The following HEATR4 variants were observed in gnomAD, a reference collection of about 807,000 sequenced individuals.
The protein encoded by HEATR4 is HEAT repeat-containing protein 4.
Under a neutral mutation model 108.8 loss-of-function variants are expected in HEATR4, and 95 were observed. That is an observed-to-expected ratio of 0.87 (90% CI 0.74 to 1.04). The LOEUF (loss-of-function observed/expected upper bound fraction) is 1.04. Ranked by LOEUF, HEATR4 falls within the 50% of genes least tolerant of loss-of-function variation. The probability of loss-of-function intolerance (pLI) is 0.00; values close to 1 mark genes in which losing one functional copy is unlikely to be tolerated. For missense variants in HEATR4, 1,152 were observed against 1,253.8 expected (o/e 0.92, Z 1.23); for synonymous variants, 443 against 459.4 (o/e 0.96, Z 0.46).
At chr14:73,584,397 T>A in the HEATR4 span, among the ~76,000 whole-genome samples, 1 of 152,064 alleles carries the variant, frequency 6.6e-6, no homozygotes, top group Admixed American at 6.6e-5. Flanking sequence ...AGAACTGAAG[T>A]TGCTGCAGAC....
chr14:73,584,007 A>G, the HEATR4 span, among the ~76,000 whole-genome samples: 243 of 152,076 alleles, frequency 1.6e-3, 2 homozygotes, highest in African/African-American at 5.6e-3. Context: ...GTCTAAAAAA[A>G]AAAACAGACA....
the HEATR4 span, chr14:73,612,733 C>G: frequency 2.9e-6 from 4 of 1,371,798 alleles, no homozygotes; most frequent in African/African-American, 1.5e-5. Flanking sequence ...GCTACCGTGC[C>G]GACGCCCGCG....
Position 73,522,992 on chromosome 14 carries a change from T to C in HEATR4, c.161A>G (p.Gln54Arg), listed in dbSNP as rs1380322458. ...SSVPMVFFSS[Q>R]YRLHRKSQYL... ...TTGGCTCTTGCGGTGTAGACGGTAC[T>C]GTGAGCTGAAGAAGACCATAGGCAC... The change falls in exon 3 of 18, where the codon CAG becomes CGG. Residue 54 changes from glutamine to arginine, a missense_variant. Coordinates refer to ENST00000553558, the MANE Select transcript of HEATR4 (RefSeq NM_001220484.1). 6 of 1,614,228 alleles carry C rather than the reference T, an allele frequency of 3.7e-6. No individual in the cohort carries two copies. The highest frequency in any genetic ancestry group is 5.1e-6 in the Non-Finnish European group (6 of 1,180,036).
At chr14:73,593,770 A>G in the HEATR4 span, 1 of 1,614,012 alleles carries the variant, frequency 6.2e-7, no homozygotes, top group Non-Finnish European at 8.5e-7. Flanking sequence ...ATATCGAGCC[A>G]GCCTCCTTGC....
chr14:73,506,608 C>T (rs758405437), intron 9 of HEATR4, 37 bp from the exon 10 acceptor site: 12 of 1,474,594 alleles, frequency 8.1e-6, no homozygotes, highest in Admixed American at 1.7e-5. Flanking sequence ...TATTCACAAT[C>T]ACTTTTAGAG....
chr14:73,534,793 T>G lies in HEATR4; in HGVS notation c.-151-4549A>C, dbSNP rs1353168831. 1.0e-4 allele frequency among the ~76,000 whole-genome samples: 11 copies of G among 110,530 alleles called. 1 individual carries two copies. Among genetic ancestry groups the G allele is most frequent in the Non-Finnish European group, 1.7e-4 (9 of 51,698 alleles). 72.5% of individuals were successfully genotyped at this position (110,530 alleles called of 152,430 possible). On this transcript the variant is annotated intron_variant, in intron 1 of 17. Coordinates refer to ENST00000553558, the MANE Select transcript of HEATR4 (RefSeq NM_001220484.1). ...ATGTGTGTTTTTTTTAATTTTCATG[T>G]CTTATCTTTTCTGCTTTTTTTTTTT...
At position 73,542,870 on chromosome 14, in the gene HEATR4, T is replaced by C. The variant is rs1415619889; in HGVS notation, c.-151-12626A>G. Among the ~76,000 whole-genome samples the C allele has an allele frequency of 6.2e-5, 7 of 112,310 alleles. 3 individuals carry two copies. The highest frequency in any genetic ancestry group is 1.3e-4 in the Non-Finnish European group (7 of 52,400). The allele number at this position is 112,310 out of a possible 152,430, so 73.7% of individuals were successfully genotyped here. ...ACATGGTTATCACCAAGAGTGGTGA[T>C]GGACAAATTGTGGAAAGGAAGAGAT... On this transcript the variant is annotated intron_variant, in intron 1 of 17. Coordinates refer to ENST00000553558, the MANE Select transcript of HEATR4 (RefSeq NM_001220484.1).
intron 11 of HEATR4, among the ~76,000 whole-genome samples, chr14:73,501,035 G>A (rs916334050): frequency 6.6e-6 from 1 of 152,200 alleles, no homozygotes; most frequent in Non-Finnish European, 1.5e-5. Context: ...TTGCCCTCAC[G>A]TGTGCCATGA....
the HEATR4 span, among the ~76,000 whole-genome samples, chr14:73,607,187 A>G: frequency 6.6e-6 from 1 of 152,092 alleles, no homozygotes; most frequent in Admixed American, 6.6e-5. Context: ...GCACGTGCCT[A>G]TGATCCCAGC....
At chr14:73,602,482 C>T in the HEATR4 span, among the ~76,000 whole-genome samples, 10 of 152,192 alleles carry the variant, frequency 6.6e-5, no homozygotes, top group African/African-American at 2.2e-4. Context: ...CTGGTCCCTT[C>T]TTCCACCCCG....
intron 1 of HEATR4, among the ~76,000 whole-genome samples, chr14:73,532,502 G>A (rs1252661263): frequency 2.6e-5 from 3 of 115,724 alleles, no homozygotes; most frequent in African/African-American, 5.6e-5. Flanking sequence ...GCTCTGTCTC[G>A]TTGACCCAGC....
the HEATR4 span, among the ~76,000 whole-genome samples, chr14:73,618,700 C>T: frequency 1.4e-4 from 21 of 152,212 alleles, no homozygotes; most frequent in Non-Finnish European, 2.8e-4. Flanking sequence ...GTGTCTGGGC[C>T]TCTGTGTATA....
At chr14:73,592,187 G>A in the HEATR4 span, 1 of 1,608,670 alleles carries the variant, frequency 6.2e-7, no homozygotes, top group Non-Finnish European at 8.5e-7. Flanking sequence ...CGGGACTCGA[G>A]CCCATGGGGC....
the HEATR4 span, among the ~76,000 whole-genome samples, chr14:73,612,347 G>A: frequency 6.6e-6 from 1 of 152,164 alleles, no homozygotes; most frequent in Non-Finnish European, 1.5e-5. Context: ...CGGCCGGATT[G>A]GTCATTAACT....
the HEATR4 span, among the ~76,000 whole-genome samples, chr14:73,609,000 T>G: frequency 6.6e-6 from 1 of 152,208 alleles, no homozygotes; most frequent in African/African-American, 2.4e-5. Context: ...ACCCCCATGA[T>G]TCAATTTCCT....
At chr14:73,485,222 C>A (rs904599468) in intron 17 of HEATR4, among the ~76,000 whole-genome samples, 8 of 151,920 alleles carry the variant, frequency 5.3e-5, no homozygotes, top group Non-Finnish European at 1.2e-4. Flanking sequence ...ATATTGGCTG[C>A]ATTTTTTAAG....
the HEATR4 span, among the ~76,000 whole-genome samples, chr14:73,586,638 G>A: frequency 6.6e-6 from 1 of 151,714 alleles, no homozygotes; most frequent in Admixed American, 6.6e-5. Context: ...CCCAGGAGGT[G>A]GAGGTTGCAG....
chr14:73,529,000 G>A (rs1302075458), intron 2 of HEATR4: 7 of 152,088 alleles, frequency 4.6e-5, no homozygotes, highest in Admixed American at 4.6e-4. Flanking sequence ...CCAACAAATA[G>A]CCCTCTAGAA....
chr14:73,513,644 T>C (rs1566834879), intron 6 of HEATR4, among the ~76,000 whole-genome samples: 2 of 140,704 alleles, frequency 1.4e-5, no homozygotes, highest in South Asian at 2.2e-4. Flanking sequence ...GGAGAATTAC[T>C]TGAAACCAGG....
Sources: allele counts gnomAD v4.1 joint callset (sites outside exome capture counted in the v4.1 genomes callset), GRCh38; gene constraint gnomAD v4.1.1; transcripts MANE v1.5; gene names NCBI Gene and HGNC (gene_info 2026-07-23, HGNC 2026-07-21).